Variants in ADAMTS20 observed in about 807,000 individuals in gnomAD.
The protein encoded by ADAMTS20 is A disintegrin and metalloproteinase with thrombospondin motifs 20.
A neutral mutation model predicts 260.1 loss-of-function variants in ADAMTS20; 225 were observed. The observed-to-expected ratio is 0.87, with a 90% CI of 0.78 to 0.97. The LOEUF is 0.97. ADAMTS20 is among the 50% of genes least tolerant of loss of function. The probability of loss-of-function intolerance (pLI) is 0.00; values close to 1 mark genes in which losing one functional copy is unlikely to be tolerated. For missense variants in ADAMTS20, 2,400 were observed against 2,337.7 expected (o/e 1.03, Z -0.55); for synonymous variants, 802 against 769.5 (o/e 1.04, Z -0.70).
chr12:43,492,769 T>C, intron 5 of ADAMTS20, 140 bp from the exon 6 acceptor site: 1 of 921,988 alleles, frequency 1.1e-6, no homozygotes, highest in South Asian at 1.8e-5. Flanking sequence ...TCTTCATATA[T>C]TAACTATAAC....
chr12:43,421,443 T>C (rs574568177), intron 28 of ADAMTS20, among the ~76,000 whole-genome samples: 2 of 152,210 alleles, frequency 1.3e-5, no homozygotes, highest in Non-Finnish European at 2.9e-5. Context: ...TTTCATTCTA[T>C]GTGAGGAATA....
chr12:43,475,308 G>C (rs1207394319), intron 7 of ADAMTS20, among the ~76,000 whole-genome samples: 1 of 118,528 alleles, frequency 8.4e-6, no homozygotes, highest in Non-Finnish European at 1.8e-5. Context: ...TCTTCAAGGA[G>C]AACTACAAAC....
chr12:43,368,131 A>C (rs1940027392), intron 37 of ADAMTS20, among the ~76,000 whole-genome samples: 1 of 151,910 alleles, frequency 6.6e-6, no homozygotes, highest in Non-Finnish European at 1.5e-5. Context: ...ATCTCCTCCT[A>C]CTCCTAAATA....
Position 43,429,637 on chromosome 12 carries a change from G to A in ADAMTS20, c.3469C>T (p.Arg1157Ter), listed in dbSNP as rs372136438. ...CTTACTGGGGTCCAAGAACCATGTC[G>A]CCATTGTGCCATCTTTTTTATGAGA... is the stretch of plus-strand genomic sequence containing the variant. ...TVLIKKMAQWRHGSWTPCSVS... is the reference protein window; with the variant it reads ...TVLIKKMAQW Residue 1157 changes from arginine (R) to a stop codon, truncating the protein, a stop_gained, in exon 24 of 39, where the codon CGA becomes TGA. Coordinates refer to ENST00000389420, the MANE Select transcript of ADAMTS20 (RefSeq NM_025003.5). LOFTEE classifies it high-confidence loss of function. The A allele has an allele frequency of 4.4e-5, 71 of 1,595,640 alleles. No homozygotes were observed. The highest frequency in any genetic ancestry group is 4.0e-4 in the East Asian group (18 of 44,532).
At chr12:43,535,265 T>C (rs778202501) in intron 2 of ADAMTS20, among the ~76,000 whole-genome samples, 6 of 152,202 alleles carry the variant, frequency 3.9e-5, no homozygotes, top group Non-Finnish European at 8.8e-5. Flanking sequence ...GCACATGTGG[T>C]AAGCAGTAGG....
At chr12:43,532,329 C>A in intron 2 of ADAMTS20, 134 bp from the exon 3 acceptor site, 3 of 682,398 alleles carry the variant, frequency 4.4e-6, no homozygotes, top group Non-Finnish European at 7.0e-6. Flanking sequence ...ATCAACTGAG[C>A]ATAAAAAGTT....
chr12:43,513,923 G>C (rs186669125), intron 3 of ADAMTS20, among the ~76,000 whole-genome samples: 1 of 135,794 alleles, frequency 7.4e-6, no homozygotes, highest in Admixed American at 7.4e-5. Context: ...GGTGAGGGGA[G>C]GGGGGAGGGA....
At chr12:43,458,368 T>G (rs923853049) in intron 11 of ADAMTS20, among the ~76,000 whole-genome samples, 1 of 152,234 alleles carries the variant, frequency 6.6e-6, no homozygotes, top group Non-Finnish European at 1.5e-5. Context: ...TCCCAAGATA[T>G]TTTTCTTTCA....
At chr12:43,379,069 G>A (rs1294434270) in intron 31 of ADAMTS20, among the ~76,000 whole-genome samples, 1 of 152,162 alleles carries the variant, frequency 6.6e-6, no homozygotes, top group East Asian at 1.9e-4. Flanking sequence ...GCAGCCACTG[G>A]AGGGGAGCAG....
At chr12:43,519,659 C>A (rs1272388268) in intron 3 of ADAMTS20, among the ~76,000 whole-genome samples, 1 of 152,150 alleles carries the variant, frequency 6.6e-6, no homozygotes, top group Non-Finnish European at 1.5e-5. Context: ...CTTTCCTTCT[C>A]ATTTCTTCTC....
chr12:43,497,553 G>A (rs1011269250), intron 4 of ADAMTS20, among the ~76,000 whole-genome samples: 1 of 152,098 alleles, frequency 6.6e-6, no homozygotes, highest in African/African-American at 2.4e-5. Context: ...AAGCGAATAT[G>A]TGCAAATAAT....
chr12:43,483,544 C>T (rs543431986), intron 7 of ADAMTS20, among the ~76,000 whole-genome samples: 13 of 152,276 alleles, frequency 8.5e-5, no homozygotes, highest in African/African-American at 3.1e-4. Context: ...CCCTCCAGGT[C>T]CAGGCTTGCA....
Position 43,375,342 on chromosome 12 carries a change from AG to A in ADAMTS20, c.5446+36del, listed in dbSNP as rs1475124918. The stretch of plus-strand genomic sequence containing the variant: ...TTGTTTGACGTTCATAAGCAAATGG[AG>A]GCTTTTTGATTTTAAAATATAGATT... On this transcript the variant is annotated intron_variant, in intron 36 of 38. Coordinates refer to ENST00000389420, the MANE Select transcript of ADAMTS20 (RefSeq NM_025003.5). The A allele has an allele frequency of 3.8e-6, 6 of 1,597,866 alleles. No homozygotes were observed. In the African/African-American group the frequency reaches 8.1e-5, roughly 22 times the overall value.
intron 28 of ADAMTS20, among the ~76,000 whole-genome samples, chr12:43,414,350 G>T (rs1941089926): frequency 6.6e-6 from 1 of 152,086 alleles, no homozygotes; most frequent in African/African-American, 2.4e-5. Flanking sequence ...TTAATGCAAA[G>T]AAATAGAAAC....
Position 43,398,330 on chromosome 12 carries a change from T to C in ADAMTS20, c.4452+736A>G, listed in dbSNP as rs1249983423. ...CTACCCGAATTTAAATTTTGATCTC[T>C]TTCCTCTGAGTATGCCAAGTGGTAT... On this transcript the variant is annotated intron_variant, in intron 29 of 38. Coordinates refer to ENST00000389420, the MANE Select transcript of ADAMTS20 (RefSeq NM_025003.5). 2.6e-5 allele frequency among the ~76,000 whole-genome samples: 4 copies of C among 152,172 alleles called. No homozygotes were observed. In the East Asian group the frequency reaches 7.7e-4, roughly 29 times the overall value.
intron 29 of ADAMTS20, 123 bp from the exon 30 acceptor site, chr12:43,384,100 G>T: frequency 1.1e-6 from 1 of 900,124 alleles, no homozygotes; most frequent in Non-Finnish European, 1.6e-6. Context: ...ACATGAATTA[G>T]ATAAAAAATA....
chr12:43,477,038 T>A (rs1012268682), intron 7 of ADAMTS20, among the ~76,000 whole-genome samples: 37 of 118,080 alleles, frequency 3.1e-4, no homozygotes, highest in Non-Finnish European at 5.4e-4. Flanking sequence ...ATGATTTAAA[T>A]AAAAGACCTC....
intron 3 of ADAMTS20, among the ~76,000 whole-genome samples, chr12:43,528,527 A>C (rs1228781624): frequency 1.3e-5 from 2 of 152,182 alleles, no homozygotes; most frequent in African/African-American, 4.8e-5. Context: ...CAACTAACTG[A>C]TCTTTGACAA....
At position 43,428,175 on chromosome 12, in the gene ADAMTS20, T is replaced by G. The variant is rs190280046; in HGVS notation, c.3945+66A>C. 1.5e-5 allele frequency: 23 copies of G among 1,495,200 alleles called. No homozygotes were observed. In the East Asian group the frequency reaches 4.7e-4, roughly 31 times the overall value. The allele number at this position is 1,495,200 out of a possible 1,614,324, so 92.6% of individuals were successfully genotyped here. On this transcript the variant is annotated intron_variant, in intron 26 of 38. Transcript: ENST00000389420. ...TAAAGTACTGATGGCATCATATACA[T>G]ACCTGTTAAAAGGATGTAATATAAC...
Sources: allele counts gnomAD v4.1 joint callset (sites outside exome capture counted in the v4.1 genomes callset), GRCh38; gene constraint gnomAD v4.1.1; transcripts MANE v1.5; gene names NCBI Gene and HGNC (gene_info 2026-07-23, HGNC 2026-07-21).